Variants in UNC13C observed in about 807,000 individuals in gnomAD.
UNC13C encodes the protein unc-13 homolog C, also known as protein unc-13 homolog C.
Under a neutral mutation model 245.4 loss-of-function variants are expected in UNC13C, and 174 were observed. The observed-to-expected ratio is 0.71, with a 90% CI of 0.63 to 0.80. The LOEUF is 0.80. Ranked by LOEUF, UNC13C falls within the 30% of genes least tolerant of loss-of-function variation. The pLI is 0.00. For synonymous variants in UNC13C, 992 were observed against 895.1 expected (o/e 1.11, Z -1.93); for missense variants, 2,829 against 2,602.9 (o/e 1.09, Z -1.89).
At chr15:54,136,715 A>T (rs181806859) in intron 2 of UNC13C, among the ~76,000 whole-genome samples, 90 of 152,230 alleles carry the variant, frequency 5.9e-4, no homozygotes, top group Non-Finnish European at 1.1e-3. Flanking sequence ...GTACAGGTGC[A>T]TTCCCTCGAT....
chr15:54,174,393 A>T (rs111377929), intron 4 of UNC13C, among the ~76,000 whole-genome samples: 5,437 of 152,196 alleles, frequency 0.036, 283 homozygotes, highest in East Asian at 0.11. Flanking sequence ...TATTTGCGTG[A>T]TCAACTTTCA....
At chr15:54,377,721 A>G (rs533745789) in intron 17 of UNC13C, among the ~76,000 whole-genome samples, 1 of 152,288 alleles carries the variant, frequency 6.6e-6, no homozygotes, top group African/African-American at 2.4e-5. Context: ...CTCACATGGC[A>G]AAAGGAGTGA....
At chr15:54,418,111 A>G (rs959619802) in intron 19 of UNC13C, among the ~76,000 whole-genome samples, 1 of 152,050 alleles carries the variant, frequency 6.6e-6, no homozygotes, top group Non-Finnish European at 1.5e-5. Context: ...AATTGTCCAT[A>G]TTGATATTTG....
intron 2 of UNC13C, among the ~76,000 whole-genome samples, chr15:54,056,550 A>T (rs932330086): frequency 6.6e-6 from 1 of 152,242 alleles, no homozygotes; most frequent in South Asian, 2.1e-4. Flanking sequence ...GATATTATCC[A>T]GGAGAACTTC....
chr15:54,527,060 G>C (rs1230427406), intron 25 of UNC13C, among the ~76,000 whole-genome samples: 1 of 152,170 alleles, frequency 6.6e-6, no homozygotes, highest in East Asian at 1.9e-4. Flanking sequence ...TGCTGAGCCA[G>C]AGCAGCCTTG....
chr15:54,503,061 A>C (rs756930762), intron 22 of UNC13C, among the ~76,000 whole-genome samples: 1 of 152,150 alleles, frequency 6.6e-6, no homozygotes, highest in Admixed American at 6.6e-5. Context: ...AGGAAAATAC[A>C]TTCTCTGAAG....
chr15:54,004,947 A>G (rs1595701613), intron 1 of UNC13C, among the ~76,000 whole-genome samples: 1 of 151,894 alleles, frequency 6.6e-6, no homozygotes. Flanking sequence ...ATTTTCTCTC[A>G]TTCTCTGGGT....
At chr15:54,188,479 A>T in intron 4 of UNC13C, among the ~76,000 whole-genome samples, 1 of 152,190 alleles carries the variant, frequency 6.6e-6, no homozygotes, top group East Asian at 1.9e-4. Flanking sequence ...ATAATTGGGT[A>T]CAACAAACTA....
At chr15:54,119,477 C>T (rs147880487) in intron 2 of UNC13C, among the ~76,000 whole-genome samples, 13 of 152,160 alleles carry the variant, frequency 8.5e-5, no homozygotes, top group Non-Finnish European at 1.8e-4. Flanking sequence ...CTGAGTACTC[C>T]ACATATAGGC....
chr15:53,922,276 G>T, the UNC13C span, among the ~76,000 whole-genome samples: 1 of 152,150 alleles, frequency 6.6e-6, no homozygotes, highest in Admixed American at 6.5e-5. Flanking sequence ...TGTCAATCTG[G>T]CTCAAGTTAT....
At chr15:54,506,003 C>T (rs1024384434) in intron 22 of UNC13C, among the ~76,000 whole-genome samples, 6 of 152,086 alleles carry the variant, frequency 3.9e-5, no homozygotes, top group African/African-American at 1.4e-4. Flanking sequence ...CCAGCTTGCT[C>T]TTTCTTCTTT....
At chr15:54,047,551 G>A (rs970137617) in intron 2 of UNC13C, among the ~76,000 whole-genome samples, 11 of 152,112 alleles carry the variant, frequency 7.2e-5, no homozygotes, top group African/African-American at 2.6e-4. Flanking sequence ...AGGTTTTCAA[G>A]GTTTATCCTG....
the UNC13C span, among the ~76,000 whole-genome samples, chr15:53,898,627 G>A: frequency 6.6e-6 from 1 of 152,098 alleles, no homozygotes; most frequent in African/African-American, 2.4e-5. Flanking sequence ...CCATTTTAAA[G>A]TTAGGTTTTT....
At chr15:54,008,610 A>G (rs1336027259) in intron 1 of UNC13C, among the ~76,000 whole-genome samples, 3 of 152,188 alleles carry the variant, frequency 2.0e-5, no homozygotes, top group African/African-American at 4.8e-5. Flanking sequence ...TTGGAATTCA[A>G]GTAGTTGAGA....
intron 32 of UNC13C, among the ~76,000 whole-genome samples, chr15:54,625,858 G>A (rs191036632): frequency 7.0e-4 from 107 of 152,236 alleles, no homozygotes; most frequent in Non-Finnish European, 1.4e-3. Context: ...AACACAGTGA[G>A]CTACTTAAAG....
At chr15:54,526,740 GAAAAAAAA>G (rs1164016477) in intron 25 of UNC13C, among the ~76,000 whole-genome samples, 10 of 63,108 alleles carry the variant, frequency 1.6e-4, no homozygotes, top group Admixed American at 3.0e-4. Context: ...ACTCCGTCTA[GAAAAAAAA>G]AAAAAAAAAA....
At chr15:54,361,113 C>T (rs2039220475) in intron 17 of UNC13C, among the ~76,000 whole-genome samples, 1 of 152,106 alleles carries the variant, frequency 6.6e-6, no homozygotes, top group South Asian at 2.1e-4. Flanking sequence ...ACTTAATTCA[C>T]TTGATGGTGG....
At chr15:53,845,701 A>G in the UNC13C span, among the ~76,000 whole-genome samples, 2 of 152,176 alleles carry the variant, frequency 1.3e-5, no homozygotes, top group Non-Finnish European at 2.9e-5. Flanking sequence ...AGTAAATTGT[A>G]TGTGATTCAG....
chr15:54,078,578 G>A (rs531317464), intron 2 of UNC13C, among the ~76,000 whole-genome samples: 9 of 152,236 alleles, frequency 5.9e-5, no homozygotes, highest in Middle Eastern at 3.4e-3. Context: ...CTGATGATTA[G>A]TGATGTCGAG....
Sources: allele counts gnomAD v4.1 joint callset (sites outside exome capture counted in the v4.1 genomes callset), GRCh38; gene constraint gnomAD v4.1.1; transcripts MANE v1.5; gene names NCBI Gene and HGNC (gene_info 2026-07-23, HGNC 2026-07-21).